The following ELMO3 variants were observed in gnomAD, a reference collection of about 807,000 sequenced individuals.
ELMO3 encodes engulfment and cell motility protein 3.
ELMO3 carries 81 observed loss-of-function variants against 89.0 expected under a neutral mutation model. That is an observed-to-expected ratio of 0.91 (90% CI 0.76 to 1.09). The LOEUF (loss-of-function observed/expected upper bound fraction) is 1.09. Among genes scored for constraint, ELMO3 ranks in the 50% least tolerant of loss-of-function variants. The pLI, the probability that ELMO3 is intolerant of heterozygous loss-of-function variation, is 0.00. For missense variants in ELMO3, 959 were observed against 972.8 expected (o/e 0.99, Z 0.19); for synonymous variants, 406 against 400.6 (o/e 1.01, Z -0.16).
Position 67,203,955 on chromosome 16 carries a change from C to T in ELMO3, c.*78C>T. ...GCAGTGGGTAGAGGAGTGCAGGCAC[C>T]CTGACCAGCAGAGATTGCTGCAGAA... On this transcript the variant is annotated 3_prime_UTR_variant, in exon 20 of 20. Coordinates refer to ENST00000393997, the MANE Select transcript of ELMO3 (RefSeq NM_024712.5). This position sits in a 1 kb window ranked among gnomAD's most constrained non-coding sequence, Gnocchi z 4.6. The T allele has an allele frequency of 4.8e-6, 6 of 1,237,172 alleles. No individual in the cohort carries two copies. Among genetic ancestry groups the T allele is most frequent in the Non-Finnish European group, 6.6e-6 (6 of 908,114 alleles). 76.6% of individuals were successfully genotyped at this position (1,237,172 alleles called of 1,614,324 possible).
chr16:67,200,728 T>A lies in ELMO3; in HGVS notation c.585T>A (p.Ser195Arg). Residue 195 changes from serine (S) to arginine (R), a missense_variant, in exon 7 of 20, where the codon AGT (serine) becomes AGA (arginine). Ser to Arg is a moderately radical substitution (Grantham distance 110). Coordinates refer to ENST00000393997, the MANE Select transcript of ELMO3 (RefSeq NM_024712.5). ...VPPLALGLLE[S>R]VTLSSPALGQ... ...CCCTGGCCCTTGGGCTGCTGGAGAG[T>A]GTGACCTTGAGCAGCCCAGCCCTGG... is the stretch of plus-strand genomic sequence containing the variant. 1.2e-6 allele frequency: 2 copies of A among 1,613,274 alleles called. No homozygotes were observed. Among genetic ancestry groups the A allele is most frequent in the Non-Finnish European group, 1.7e-6 (2 of 1,179,920 alleles).
Position 67,202,222 on chromosome 16 carries a change from T to C in ELMO3, c.1199T>C (p.Phe400Ser). Residue 400 changes from phenylalanine (F) to serine (S), a missense_variant, in exon 13 of 20, where the codon TTT becomes TCT. Phe to Ser is a radical substitution (Grantham distance 155). Coordinates refer to ENST00000393997, the MANE Select transcript of ELMO3 (RefSeq NM_024712.5). ...SSREDKHECP[F>S]ARGSIQLTVL... ...CGCGAGGACAAGCACGAGTGCCCCT[T>C]TGCCCGGGGCAGCATCCAGCTGACG... 2 of 1,605,720 alleles carry C rather than the reference T, an allele frequency of 1.2e-6. No individual in the cohort carries two copies. The highest frequency in any genetic ancestry group is 4.5e-5 in the East Asian group (2 of 44,700).
In ELMO3 at chr16:67,199,405, G is replaced by C; in HGVS notation, c.78+1G>C. The C allele has an allele frequency of 1.9e-6, 3 of 1,605,598 alleles. No homozygotes were observed. The highest frequency in any genetic ancestry group is 1.7e-4 in the Middle Eastern group (1 of 6,008). ...CCCGCAGCTCATCCAGCTGGACCAG[G>C]TCACCCGGCTGGTCCCGCCTCCATC... is the stretch of plus-strand genomic sequence containing the variant. On this transcript the variant is annotated splice_donor_variant, in intron 1 of 19. Coordinates refer to ENST00000393997, the MANE Select transcript of ELMO3 (RefSeq NM_024712.5). LOFTEE classifies it high-confidence loss of function.
rs777354316 is a variant in ELMO3, at chr16:67,201,379, C to G, written c.745-6C>G. On this transcript the variant is annotated splice_region_variant and splice_polypyrimidine_tract_variant and intron_variant, in intron 8 of 19. Transcript: ENST00000393997. ...GCCTAAGCCCCCTTTCTTTCTACCC[C>G]CTCAGCACATGCTTGACTATCTTTG... 21 of 1,613,806 alleles carry G rather than the reference C, an allele frequency of 1.3e-5. No individual in the cohort carries two copies. The highest frequency in any genetic ancestry group is 1.7e-5 in the Admixed American group (1 of 59,998).
Position 67,202,015 on chromosome 16 carries a change from C to T in ELMO3, c.1089C>T (p.Pro363=), listed in dbSNP as rs538854233. The T allele has an allele frequency of 1.8e-5, 28 of 1,570,806 alleles. No homozygotes were observed. The highest frequency in any genetic ancestry group is 1.7e-4 in the Middle Eastern group (1 of 5,856). Residue 363 remains proline (P), a synonymous_variant, in exon 12 of 20, where the codon CCC becomes CCT. Coordinates refer to ENST00000393997, the MANE Select transcript of ELMO3 (RefSeq NM_024712.5). The stretch of plus-strand genomic sequence containing the variant: ...CACAGGACCTGGAGCGCGTGCCCCC[C>T]GGTCTGCTGGCCCTGGACAACATGT... The part of the protein sequence containing the change: ...NPAQDLERVP[P]GLLALDNMLY...
chr16:67,200,053 CCA>C, intron 4 of ELMO3, 52 bp downstream of exon 4: 1 of 1,597,876 alleles, frequency 6.3e-7, no homozygotes, highest in Non-Finnish European at 8.5e-7. Context: ...TGCTCCAGGT[CCA>C]GAGGCCCCCC....
rs1363670517 is a variant in ELMO3, at chr16:67,202,985, C to T, written c.1656C>T (p.Ile552=). ...GTGAGGGGACGCTCTTCCGCAAGAT[C>T]AGCAGCCGGCGGCGCCAGGGTCTCT... ...RLCEGTLFRK[I]SSRRRQDKLW... Residue 552 remains isoleucine, a synonymous_variant, in exon 16 of 20, where the codon ATC becomes ATT. Transcript: ENST00000393997. 1 of 1,606,524 alleles carries T rather than the reference C, an allele frequency of 6.2e-7. No homozygotes were observed. Among genetic ancestry groups the T allele is most frequent in the Non-Finnish European group, 8.5e-7 (1 of 1,179,852 alleles).
Position 67,203,862 on chromosome 16 carries a change from C to G in ELMO3, c.2148C>G (p.Ser716Arg). 6.3e-7 allele frequency: 1 copy of G among 1,583,434 alleles called. No homozygotes were observed. Among genetic ancestry groups the G allele is most frequent in the Middle Eastern group, 2.0e-4 (1 of 5,116 alleles). The change falls in exon 20 of 20, where the codon AGC becomes AGG. Residue 716 changes from serine (S) to arginine (R), a missense_variant. Physicochemically the swap from Ser to Arg is moderately radical, Grantham distance 110 (BLOSUM62 -1). Transcript: ENST00000393997. This position sits in a 1 kb window ranked among gnomAD's most constrained non-coding sequence, Gnocchi z 4.6. Reference sequence around the variant, plus strand: ...ACTTCAACTTCTGCTATGACTGCAGCATCGCTGAACCTTGACAGTGTGGCT... The same window carrying G: ...ACTTCAACTTCTGCTATGACTGCAGGATCGCTGAACCTTGACAGTGTGGCT... ...PTNFNFCYDC[S>R]IAEP
In ELMO3 at chr16:67,202,394, C is replaced by T; in HGVS notation, c.1262-3C>T. 1 of 1,613,836 alleles carries T rather than the reference C, an allele frequency of 6.2e-7. No individual in the cohort carries two copies. The highest frequency in any genetic ancestry group is 1.1e-5 in the South Asian group (1 of 91,084). ...CTGAGCCCCTCCTGCCCCCCCACTC[C>T]AGGCTCTGAGACAGCCCAGGACTTC... On this transcript the variant is annotated splice_region_variant and splice_polypyrimidine_tract_variant and intron_variant, in intron 13 of 19. Coordinates refer to ENST00000393997, the MANE Select transcript of ELMO3 (RefSeq NM_024712.5).
rs1567691321 is a variant in ELMO3, at chr16:67,200,671, G to A, written c.528G>A (p.Val176=). The A allele has an allele frequency of 6.2e-7, 1 of 1,613,148 alleles. No homozygotes were observed. The highest frequency in any genetic ancestry group is 1.7e-5 in the Admixed American group (1 of 60,018). Residue 176 remains valine (V), a synonymous_variant, in exon 7 of 20, where the codon GTG becomes GTA. Coordinates refer to ENST00000393997, the MANE Select transcript of ELMO3 (RefSeq NM_024712.5). ...GCCCCTTACAGGTGGTGTGCTACGT[G>A]AACATGAACCTCATGGATGCCTCCG... The part of the protein sequence containing the change: ...IPFVRKVVCY[V]NMNLMDASVP...
chr16:67,200,145 T>C, intron 4 of ELMO3, 47 bp from the exon 5 acceptor site: 1 of 1,595,568 alleles, frequency 6.3e-7, no homozygotes. Flanking sequence ...GTCCCACCCT[T>C]ACCATGCCCA....
Position 67,201,999 on chromosome 16 carries a change from T to C in ELMO3, c.1073T>C (p.Leu358Pro), listed in dbSNP as rs2033124475. The C allele has an allele frequency of 3.1e-6, 5 of 1,612,088 alleles. No homozygotes were observed. The highest frequency in any genetic ancestry group is 3.4e-6 in the Non-Finnish European group (4 of 1,179,536). ...CAGAACAGCAACCCAGCACAGGACC[T>C]GGAGCGCGTGCCCCCCGGTCTGCTG... is the stretch of plus-strand genomic sequence containing the variant. ...GFSNSNPAQD[L>P]ERVPPGLLAL... is the part of the protein sequence containing the mutation. The change falls in exon 12 of 20, where the codon CTG becomes CCG. Residue 358 changes from leucine to proline, a missense_variant. Transcript: ENST00000393997.
Position 67,201,882 on chromosome 16 carries a change from C to G in ELMO3, c.1050+9C>G. ...GCAAACTGGGCTTTTCTGTGAGTATCACCCCTACCCAACTCCCCACCCCTG... is the reference window on the plus strand; with the variant it reads ...GCAAACTGGGCTTTTCTGTGAGTATGACCCCTACCCAACTCCCCACCCCTG... On this transcript the variant is annotated intron_variant, in intron 11 of 19. Transcript: ENST00000393997. The G allele has an allele frequency of 2.5e-6, 4 of 1,603,368 alleles. No individual in the cohort carries two copies. Among genetic ancestry groups the G allele is most frequent in the Non-Finnish European group, 3.4e-6 (4 of 1,175,530 alleles).
Position 67,202,780 on chromosome 16 carries a change from C to G in ELMO3, c.1552C>G (p.Pro518Ala). The G allele has an allele frequency of 6.2e-7, 1 of 1,613,290 alleles. No homozygotes were observed. The highest frequency in any genetic ancestry group is 1.7e-4 in the Middle Eastern group (1 of 6,060). The change falls in exon 15 of 20, where the codon CCC (proline) becomes GCC (alanine). Residue 518 changes from proline to alanine, a missense_variant. Pro to Ala is a conservative substitution (Grantham distance 27, BLOSUM62 -1). Coordinates refer to ENST00000393997, the MANE Select transcript of ELMO3 (RefSeq NM_024712.5). ...ERLHQEGTLAPPILELREKLK... is the reference protein window; with the variant it reads ...ERLHQEGTLAAPILELREKLK... ...GCTGCACCAGGAGGGCACACTGGCTCCCCCTATACTGTGAGTCTGGGGGGA... is the reference window on the plus strand; with the variant it reads ...GCTGCACCAGGAGGGCACACTGGCTGCCCCTATACTGTGAGTCTGGGGGGA...
In ELMO3 at chr16:67,203,205, G is replaced by T. The variant is rs373878246; in HGVS notation, c.1762G>T (p.Glu588Ter). 1.2e-6 allele frequency: 2 copies of T among 1,609,770 alleles called. No homozygotes were observed. The highest frequency in any genetic ancestry group is 2.7e-5 in the African/African-American group (2 of 74,904). Residue 588 changes from glutamate (E) to a stop codon, truncating the protein, a stop_gained, in exon 17 of 20, where the codon GAG (glutamate) becomes TAG (stop). Coordinates refer to ENST00000393997, the MANE Select transcript of ELMO3 (RefSeq NM_024712.5). LOFTEE classifies it high-confidence loss of function. This position sits in a 1 kb window ranked among gnomAD's most constrained non-coding sequence, Gnocchi z 4.6. ...GGAGGGCGCCAGCCCGCCTACCCTG[G>T]AGAGTCTGCCCGAGCAACGTAAGGC... is the stretch of plus-strand genomic sequence containing the variant. Reference protein sequence around the residue: ...MEEGASPPTLESLPEQLPVAD... With the variant: ...MEEGASPPTL
rs1476489586 is a variant in ELMO3 at position 67,203,902 on chromosome 16, G to A, written c.*25G>A. On this transcript the variant is annotated 3_prime_UTR_variant, in exon 20 of 20. Coordinates refer to ENST00000393997, the MANE Select transcript of ELMO3 (RefSeq NM_024712.5). This position sits in a 1 kb window ranked among gnomAD's most constrained non-coding sequence, Gnocchi z 4.6. ...ACAGTGTGGCTGGCCATGGGCCACA[G>A]CTGCGGCCACTGCAGCAGCCATGAA... The A allele has an allele frequency of 6.6e-7, 1 of 1,523,596 alleles. No individual in the cohort carries two copies. Among genetic ancestry groups the A allele is most frequent in the South Asian group, 1.3e-5 (1 of 78,880 alleles). 94.4% of individuals were successfully genotyped at this position (1,523,596 alleles called of 1,614,324 possible). A position where few individuals can be genotyped will look rare whatever the true frequency, so the allele number is the denominator to read the frequency against.
At chr16:67,199,637 G>A (rs752440678) in intron 2 of ELMO3, 44 bp downstream of exon 2, 1 of 1,607,972 alleles carries the variant, frequency 6.2e-7, no homozygotes, top group Non-Finnish European at 8.5e-7. Flanking sequence ...GGGAGGGCAG[G>A]AGGGGCGGCG....
chr16:67,203,329 CCT>C lies in ELMO3; in HGVS notation c.1784_1785del (p.Pro595ArgfsTer30). On this transcript the variant is annotated frameshift_variant, in exon 18 of 20. Coordinates refer to ENST00000393997, the MANE Select transcript of ELMO3 (RefSeq NM_024712.5). LOFTEE classifies it high-confidence loss of function. This position sits in a 1 kb window ranked among gnomAD's most constrained non-coding sequence, Gnocchi z 4.6. ...PTLESLPEQL[P>X]VADMRALLTG... Reference sequence around the variant, plus strand: ...TCAGCCCAGCCTTCTTCCTGCAGTCCCTGTGGCCGACATGAGGGCACTCCTGA... The same window carrying C: ...TCAGCCCAGCCTTCTTCCTGCAGTCCGTGGCCGACATGAGGGCACTCCTGA... 1.9e-6 allele frequency: 3 copies of C among 1,598,188 alleles called. No homozygotes were observed. Among genetic ancestry groups the C allele is most frequent in the Non-Finnish European group, 2.6e-6 (3 of 1,174,828 alleles).
In ELMO3 at chr16:67,202,642, C is replaced by T. The variant is rs1190586519; in HGVS notation, c.1414C>T (p.Arg472Trp). The T allele has an allele frequency of 3.1e-6, 5 of 1,613,334 alleles. No homozygotes were observed. The highest frequency in any genetic ancestry group is 1.7e-5 in the Admixed American group (1 of 59,990). ...GCGGCCCCAGGTCATGCAGGTGGTG[C>T]GGGAGCAGCTGGCCCGCACTCTGGC... Reference protein sequence around the residue: ...EDFDKVMQVVREQLARTLALK... With the variant: ...EDFDKVMQVVWEQLARTLALK... Residue 472 changes from arginine (R) to tryptophan (W), a missense_variant, in exon 15 of 20, where the codon CGG becomes TGG. Arg to Trp is a moderately radical substitution (Grantham distance 101). Coordinates refer to ENST00000393997, the MANE Select transcript of ELMO3 (RefSeq NM_024712.5).
Sources: allele counts gnomAD v4.1 joint callset, GRCh38; gene constraint gnomAD v4.1.1; non-coding constraint Gnocchi (gnomAD v3.1); transcripts MANE v1.5; gene names NCBI Gene and HGNC (gene_info 2026-07-23, HGNC 2026-07-21).